VPS13B: variants seen among roughly 807,000 people sequenced by gnomAD.
VPS13B encodes intermembrane lipid transfer protein VPS13B.
In VPS13B, 285 loss-of-function variants were observed where a neutral mutation model predicts 426.4. The observed-to-expected ratio is 0.67, with a 90% CI of 0.61 to 0.74. The LOEUF (loss-of-function observed/expected upper bound fraction) is 0.74. VPS13B is among the 30% of genes least tolerant of loss of function. VPS13B has a pLI of 0.00. For missense variants in VPS13B, 4,537 were observed against 4,782.6 expected (o/e 0.95, Z 1.51); for synonymous variants, 1,676 against 1,676.4 (o/e 1.00, Z 0.01).
At chr8:99,163,944 A>G (rs976371390) in intron 15 of VPS13B, among the ~76,000 whole-genome samples, 11 of 152,336 alleles carry the variant, frequency 7.2e-5, no homozygotes, top group African/African-American at 2.6e-4. Flanking sequence ...GAGGACTGCC[A>G]GCATGCTGTC....
At chr8:99,216,489 CATGA>C (rs149012332) in intron 17 of VPS13B, among the ~76,000 whole-genome samples, 1,786 of 151,382 alleles carry the variant, frequency 0.012, 13 homozygotes, top group Non-Finnish European at 0.015. Context: ...TAGCATATCA[CATGA>C]ATGAATGAAT....
At chr8:99,360,240 CTCCT>C (rs763728692) in intron 19 of VPS13B, among the ~76,000 whole-genome samples, 2,672 of 76,732 alleles carry the variant, frequency 0.035, 251 homozygotes, top group African/African-American at 0.062. Context: ...CTTTCTCTCT[CTCCT>C]TCCTTCCTTC....
chr8:99,345,931 A>T (rs1352405443), intron 19 of VPS13B: 1 of 152,368 alleles, frequency 6.6e-6, no homozygotes, highest in African/African-American at 2.4e-5. Context: ...GCAGAAGGCC[A>T]TAGCTGGATC....
chr8:99,333,345 G>A (rs529783583), intron 19 of VPS13B, among the ~76,000 whole-genome samples: 1 of 151,686 alleles, frequency 6.6e-6, no homozygotes, highest in African/African-American at 2.4e-5. Flanking sequence ...AGGTAATTAT[G>A]TAGATTCACA....
chr8:99,360,240 C>CCTTCCT lies in VPS13B; in HGVS notation c.2825-23968_2825-23967insCTTCCT, dbSNP rs1563687380. Among the ~76,000 whole-genome samples, 11 of 76,840 alleles carry CCTTCCT rather than the reference C, an allele frequency of 1.4e-4. 2 individuals carry two copies. Among genetic ancestry groups the CCTTCCT allele is most frequent in the Middle Eastern group, 0.013 (2 of 160 alleles). The allele number at this position is 76,840 out of a possible 152,430, so 50.4% of individuals were successfully genotyped here. A position where few individuals can be genotyped will look rare whatever the true frequency, so the allele number is the denominator to read the frequency against. On this transcript the variant is annotated intron_variant, in intron 19 of 61. Transcript: ENST00000357162. Reference sequence around the variant, plus strand: ...TTTCTTTCTTTCTTTCTTTCTCTCTCTCCTTCCTTCCTTCCTTCCTTCCTT... The same window carrying CCTTCCT: ...TTTCTTTCTTTCTTTCTTTCTCTCTCCTTCCTTCCTTCCTTCCTTCCTTCCTTCCTT...
intron 35 of VPS13B, among the ~76,000 whole-genome samples, chr8:99,662,745 G>A (rs1830291446): frequency 7.0e-6 from 1 of 142,768 alleles, no homozygotes; most frequent in Non-Finnish European, 1.6e-5. Context: ...ACTGCTCCTG[G>A]CCATTAAGAA....
intron 10 of VPS13B, among the ~76,000 whole-genome samples, 186 bp from the exon 11 acceptor site, chr8:99,135,410 T>C (rs910989662): frequency 6.6e-6 from 1 of 152,044 alleles, no homozygotes; most frequent in Non-Finnish European, 1.5e-5. Flanking sequence ...ATTTGGAGTT[T>C]CCTTTTGGTT....
rs1357953053 is a variant in VPS13B at position 99,804,029 on chromosome 8, T to A, written c.7942-5346T>A. The A allele has an allele frequency of 2.0e-5, 3 of 152,192 alleles. No homozygotes were observed. The East Asian group carries it at 5.8e-4, about 29-fold the overall frequency. The allele number at this position is 152,192 out of a possible 1,614,324, so 9.4% of individuals were successfully genotyped here. On this transcript the variant is annotated intron_variant, in intron 43 of 61. Transcript: ENST00000357162. ...AATATTATTATCCCTGTAAGACAAA[T>A]CTGTGTTGAAAGATCATTCAAAATA...
chr8:99,045,830 T>A (rs1587957631), intron 3 of VPS13B, among the ~76,000 whole-genome samples: 2 of 152,316 alleles, frequency 1.3e-5, no homozygotes, highest in Middle Eastern at 3.4e-3. Flanking sequence ...TGTGTTTGTT[T>A]GCTTTGTCAA....
intron 10 of VPS13B, 122 bp downstream of exon 10, chr8:99,135,259 T>C: frequency 1.4e-6 from 2 of 1,400,744 alleles, no homozygotes; most frequent in South Asian, 2.6e-5. Context: ...AGAGGAGCTT[T>C]ACTATTTCTC....
At chr8:99,578,448 T>C (rs1258100324) in intron 33 of VPS13B, among the ~76,000 whole-genome samples, 1 of 152,164 alleles carries the variant, frequency 6.6e-6, no homozygotes, top group Non-Finnish European at 1.5e-5. Context: ...AACTGTGACA[T>C]TATTCTTTCA....
At chr8:99,306,463 C>T (rs1004261753) in intron 19 of VPS13B, among the ~76,000 whole-genome samples, 1 of 152,044 alleles carries the variant, frequency 6.6e-6, no homozygotes, top group Admixed American at 6.6e-5. Flanking sequence ...AGAATATATA[C>T]GTAGTGGAAC....
chr8:99,745,619 A>T (rs1810042384), intron 39 of VPS13B, among the ~76,000 whole-genome samples: 1 of 152,096 alleles, frequency 6.6e-6, no homozygotes, highest in Non-Finnish European at 1.5e-5. Context: ...TACTATCTGC[A>T]GTTTGAGTCA....
At chr8:99,261,365 T>A (rs921821869) in intron 17 of VPS13B, among the ~76,000 whole-genome samples, 1 of 152,166 alleles carries the variant, frequency 6.6e-6, no homozygotes, top group Admixed American at 6.5e-5. Flanking sequence ...TGTAGCCTTT[T>A]CACATTCTCT....
intron 32 of VPS13B, among the ~76,000 whole-genome samples, chr8:99,576,192 T>C (rs1228578178): frequency 6.6e-6 from 1 of 152,176 alleles, no homozygotes; most frequent in African/African-American, 2.4e-5. Flanking sequence ...GCTAAAGTTC[T>C]ATAAAAATGA....
chr8:99,843,085 C>T (rs879918882), intron 54 of VPS13B, among the ~76,000 whole-genome samples: 10 of 152,224 alleles, frequency 6.6e-5, no homozygotes, highest in Non-Finnish European at 1.2e-4. Flanking sequence ...CCCAGGGAGG[C>T]GGAGGTTGCA....
intron 8 of VPS13B, among the ~76,000 whole-genome samples, chr8:99,123,122 CAAAAAAAAAAAAAAAAA>C (rs71273164): frequency 1.6e-5 from 1 of 61,438 alleles, no homozygotes; most frequent in Admixed American, 2.3e-4. Context: ...ACTCTGTCTC[CAAAAAAAAAAAAAAAAA>C]AAAAAAGAAA....
At chr8:99,304,534 A>G (rs902635156) in intron 19 of VPS13B, among the ~76,000 whole-genome samples, 4 of 152,116 alleles carry the variant, frequency 2.6e-5, no homozygotes, top group Admixed American at 6.6e-5. Flanking sequence ...CTATTCTGTA[A>G]CATTGGTAGT....
At chr8:99,396,490 TC>T (rs757021644) in intron 21 of VPS13B, among the ~76,000 whole-genome samples, 95 of 152,318 alleles carry the variant, frequency 6.2e-4, no homozygotes, top group Non-Finnish European at 1.1e-3. Context: ...TGCGATTATT[TC>T]CTTCTTCCAC....
Sources: allele counts gnomAD v4.1 joint callset (sites outside exome capture counted in the v4.1 genomes callset), GRCh38; gene constraint gnomAD v4.1.1; transcripts MANE v1.5; gene names NCBI Gene and HGNC (gene_info 2026-07-23, HGNC 2026-07-21).